Variants in PPME1 observed in about 807,000 individuals in gnomAD.
The protein encoded by PPME1 is protein phosphatase methylesterase 1.
In PPME1, 17 loss-of-function variants were observed where a neutral mutation model predicts 56.9. That is an observed-to-expected ratio of 0.30 (90% CI 0.20 to 0.45). The LOEUF (loss-of-function observed/expected upper bound fraction) is 0.45, where lower values mean the gene tolerates loss of function less well. Ranked by LOEUF, PPME1 falls within the 20% of genes least tolerant of loss-of-function variation. The pLI is 1.00. For synonymous variants in PPME1, 122 were observed against 156.2 expected, an observed-to-expected ratio of 0.78 and a Z score of 1.63; for missense variants, 357 against 483.2, an observed-to-expected ratio of 0.74 and a Z score of 2.45.
At chr11:74,211,736 G>T (rs576376182) in intron 3 of PPME1, among the ~76,000 whole-genome samples, 1 of 152,042 alleles carries the variant, frequency 6.6e-6, no homozygotes, top group South Asian at 2.1e-4. Flanking sequence ...TAATATTTTC[G>T]TTATATTAAA....
chr11:74,225,598 T>C (rs1565390125), intron 5 of PPME1, among the ~76,000 whole-genome samples: 1 of 152,182 alleles, frequency 6.6e-6, no homozygotes, highest in Non-Finnish European at 1.5e-5. Flanking sequence ...GGAAAAGTAG[T>C]TGTATGCAAG....
intron 3 of PPME1, among the ~76,000 whole-genome samples, chr11:74,206,636 T>C (rs1858334092): frequency 1.3e-5 from 2 of 152,172 alleles, no homozygotes; most frequent in Admixed American, 1.3e-4. Context: ...GGCACAATCA[T>C]AGCTCACTAC....
intron 3 of PPME1, among the ~76,000 whole-genome samples, chr11:74,206,297 ATCTT>A (rs1858325042): frequency 6.6e-6 from 1 of 152,086 alleles, no homozygotes; most frequent in African/African-American, 2.4e-5. Context: ...ATTTTCTTCC[ATCTT>A]TCTATTTTCT....
At chr11:74,190,266 G>A (rs1474121989) in intron 1 of PPME1, among the ~76,000 whole-genome samples, 4 of 152,180 alleles carry the variant, frequency 2.6e-5, no homozygotes, top group Admixed American at 6.5e-5. Context: ...GCTGGAGGTA[G>A]GGCCCAGTGG....
At chr11:74,185,828 G>C (rs1857666666) in intron 1 of PPME1, among the ~76,000 whole-genome samples, 1 of 152,126 alleles carries the variant, frequency 6.6e-6, no homozygotes, top group Admixed American at 6.5e-5. Context: ...TGCTACAGCA[G>C]TCTGTGTTTA....
At chr11:74,232,200 G>A (rs1859085135) in intron 7 of PPME1, among the ~76,000 whole-genome samples, 1 of 152,086 alleles carries the variant, frequency 6.6e-6, no homozygotes, top group Non-Finnish European at 1.5e-5. Context: ...CTCCCTTGAG[G>A]GATATGGCTC....
At chr11:74,250,705 C>A (rs963107650) in intron 11 of PPME1, 1 of 462,290 alleles carries the variant, frequency 2.2e-6, no homozygotes, top group Admixed American at 3.4e-5. Flanking sequence ...ACTGTTTCTT[C>A]TATGTGTCTC....
chr11:74,223,097 C>T (rs1351980808), intron 4 of PPME1, among the ~76,000 whole-genome samples: 1 of 151,784 alleles, frequency 6.6e-6, no homozygotes, highest in Non-Finnish European at 1.5e-5. Context: ...CCCCCCTTCC[C>T]CCACCCCACC....
intron 11 of PPME1, chr11:74,250,702 C>T: frequency 2.2e-6 from 1 of 457,448 alleles, no homozygotes; most frequent in East Asian, 3.4e-5. Flanking sequence ...AGAACTGTTT[C>T]TTCTATGTGT....
At position 74,230,440 on chromosome 11, in the gene PPME1, T is replaced by C. The variant is rs772907095; in HGVS notation, c.553+41T>C. On this transcript the variant is annotated intron_variant, in intron 6 of 13. Transcript: ENST00000328257. The surrounding 1 kb of genome is among the most constrained non-coding windows in gnomAD (Gnocchi z 4.9). ...ACTGACCAAATCAGGATTTCACTTA[T>C]AAGAGACATCCTTGGTAGATTATTA... 56 of 1,595,760 alleles carry C rather than the reference T, an allele frequency of 3.5e-5. No homozygotes were observed. Among genetic ancestry groups the C allele is most frequent in the African/African-American group, 5.4e-5 (4 of 74,440 alleles).
At chr11:74,208,128 A>G (rs547176528) in intron 3 of PPME1, among the ~76,000 whole-genome samples, 100 of 152,156 alleles carry the variant, frequency 6.6e-4, no homozygotes, top group African/African-American at 2.0e-3. Context: ...CCTGGCCAAC[A>G]TGGTGAAACC....
chr11:74,232,464 T>C (rs1418517940), intron 7 of PPME1, among the ~76,000 whole-genome samples: 1 of 152,212 alleles, frequency 6.6e-6, no homozygotes, highest in Non-Finnish European at 1.5e-5. Flanking sequence ...TGGTGAAGTT[T>C]CTACCACTTC....
At chr11:74,214,984 C>T (rs1858590043) in intron 3 of PPME1, among the ~76,000 whole-genome samples, 1 of 152,080 alleles carries the variant, frequency 6.6e-6, no homozygotes. Context: ...AAAGAGGAAC[C>T]AATCAAAAAT....
chr11:74,244,027 T>C (rs1284247684), intron 9 of PPME1, among the ~76,000 whole-genome samples: 2 of 152,204 alleles, frequency 1.3e-5, no homozygotes, highest in African/African-American at 2.4e-5. Flanking sequence ...GGATCATATA[T>C]TATATGTCTT....
intron 8 of PPME1, among the ~76,000 whole-genome samples, chr11:74,237,273 G>GTTTTTTTTTTTTT (rs1859214670): frequency 7.4e-6 from 1 of 134,380 alleles, no homozygotes; most frequent in African/African-American, 3.4e-5. Context: ...ATGTCTGGTT[G>GTTTTTTTTTTTTT]TCTTTTTTTT....
At chr11:74,198,841 T>A (rs970703964) in intron 1 of PPME1, 2 of 152,174 alleles carry the variant, frequency 1.3e-5, no homozygotes, top group South Asian at 2.1e-4. Flanking sequence ...ATTCAGGGTG[T>A]TACGGCCATA....
Position 74,171,521 on chromosome 11 carries a change from G to T in PPME1, c.100G>T (p.Gly34Cys), listed in dbSNP as rs1055937547. The T allele has an allele frequency of 6.2e-7, 1 of 1,611,554 alleles. No individual in the cohort carries two copies. ...GSQSGAKMRM[G>C]PGRKRDFSPV... ...TCAGAGCGGAGCCAAGATGCGAATGGGGTACGTGACCCATACCCCTTCTCC... is the reference window on the plus strand; with the variant it reads ...TCAGAGCGGAGCCAAGATGCGAATGTGGTACGTGACCCATACCCCTTCTCC... Residue 34 changes from glycine to cysteine, a missense_variant and splice_region_variant, in exon 1 of 14, where the codon GGC becomes TGC. Transcript: ENST00000328257.
chr11:74,186,204 C>T (rs1252737063), intron 1 of PPME1, among the ~76,000 whole-genome samples: 1 of 152,126 alleles, frequency 6.6e-6, no homozygotes, highest in Non-Finnish European at 1.5e-5. Context: ...TTCCTTGATT[C>T]TTCCTTCTCA....
At chr11:74,223,417 C>T (rs565676630) in intron 4 of PPME1, among the ~76,000 whole-genome samples, 42 of 145,868 alleles carry the variant, frequency 2.9e-4, no homozygotes, top group African/African-American at 1.0e-3. Flanking sequence ...GTGCCTGTGT[C>T]TTTATAGCAG....
Sources: allele counts gnomAD v4.1 joint callset (sites outside exome capture counted in the v4.1 genomes callset), GRCh38; gene constraint gnomAD v4.1.1; non-coding constraint Gnocchi (gnomAD v3.1); transcripts MANE v1.5; gene names NCBI Gene and HGNC (gene_info 2026-07-23, HGNC 2026-07-21).